SMARCA2: variants seen among roughly 807,000 people sequenced by gnomAD.
SMARCA2 encodes SWI/SNF related BAF chromatin remodeling complex subunit ATPase 2.
A neutral mutation model predicts 199.8 loss-of-function variants in SMARCA2; 61 were observed. That is an observed-to-expected ratio of 0.31 (90% CI 0.25 to 0.38). The LOEUF (loss-of-function observed/expected upper bound fraction) is 0.38, where lower values mean the gene tolerates loss of function less well. Ranked by LOEUF, SMARCA2 falls within the 10% of genes least tolerant of loss-of-function variation. The pLI, the probability that SMARCA2 is intolerant of heterozygous loss-of-function variation, is 1.00. For missense variants in SMARCA2, 1,344 were observed against 2,012.2 expected (o/e 0.67, Z 6.35); for synonymous variants, 935 against 732.0 (o/e 1.28, Z -4.48).
At chr9:2,184,904 T>TA (rs746711105) in intron 31 of SMARCA2, among the ~76,000 whole-genome samples, 1 of 152,160 alleles carries the variant, frequency 6.6e-6, no homozygotes, top group Non-Finnish European at 1.5e-5. Context: ...TCACTGCCTA[T>TA]ATTGTTCATT....
At position 2,144,072 on chromosome 9, in the gene SMARCA2, G is replaced by C. The variant is rs566471598; in HGVS notation, c.3982-17614G>C. On this transcript the variant is annotated intron_variant, in intron 27 of 33. Coordinates refer to ENST00000349721, the MANE Select transcript of SMARCA2 (RefSeq NM_003070.5). ...CTTTTCATAGGGGAGCCGGGAGATG[G>C]GGGGGGATGTAGGCATTTCTTTTGA... is the stretch of plus-strand genomic sequence containing the variant. Among the ~76,000 whole-genome samples, 15 of 149,722 alleles carry C rather than the reference G, an allele frequency of 1.0e-4. No individual in the cohort carries two copies. The East Asian group carries it at 2.1e-3, about 21-fold the overall frequency.
chr9:2,125,087 TA>T (rs1823629770), intron 27 of SMARCA2, among the ~76,000 whole-genome samples: 1 of 152,158 alleles, frequency 6.6e-6, no homozygotes, highest in Non-Finnish European at 1.5e-5. Context: ...ATTTTGAGAT[TA>T]GATACCAAAG....
intron 29 of SMARCA2, among the ~76,000 whole-genome samples, chr9:2,180,424 A>G (rs1563834393): frequency 6.6e-6 from 1 of 152,162 alleles, no homozygotes; most frequent in Non-Finnish European, 1.5e-5. Context: ...TTACTTTTTA[A>G]TTATACAACT....
intron 27 of SMARCA2, among the ~76,000 whole-genome samples, chr9:2,126,002 C>T (rs1823676290): frequency 6.6e-6 from 1 of 152,072 alleles, no homozygotes. Flanking sequence ...AGTTTCTATC[C>T]CTGATGAGTA....
chr9:2,152,278 G>C (rs532998727), intron 27 of SMARCA2, among the ~76,000 whole-genome samples: 1 of 152,316 alleles, frequency 6.6e-6, no homozygotes, highest in African/African-American at 2.4e-5. Flanking sequence ...AAGGCTGGGT[G>C]CCATGGCTCA....
rs956396603 is a variant in SMARCA2 at position 2,101,526 on chromosome 9, A to G, written c.3079-44A>G. 4.8e-6 allele frequency: 5 copies of G among 1,047,732 alleles called. No individual in the cohort carries two copies. The Admixed American group carries it at 8.9e-5, about 19-fold the overall frequency. The allele number at this position is 1,047,732 out of a possible 1,614,324, so 64.9% of individuals were successfully genotyped here. The stretch of plus-strand genomic sequence containing the variant: ...TAAAAGAGTAATCATTAAGTTAATA[A>G]TTACATTTTTTAAAATCATTCTTTC... On this transcript the variant is annotated intron_variant, in intron 21 of 33. Coordinates refer to ENST00000349721, the MANE Select transcript of SMARCA2 (RefSeq NM_003070.5).
intron 24 of SMARCA2, among the ~76,000 whole-genome samples, chr9:2,113,943 G>A (rs747911227): frequency 6.6e-6 from 1 of 152,162 alleles, no homozygotes; most frequent in East Asian, 1.9e-4. Context: ...GAAAATGGTG[G>A]GGAAAAAGAG....
chr9:2,116,248 G>A (rs948733692), intron 25 of SMARCA2, among the ~76,000 whole-genome samples, 199 bp downstream of exon 25: 12 of 152,212 alleles, frequency 7.9e-5, no homozygotes, highest in African/African-American at 2.9e-4. Flanking sequence ...ATGGCTGGAG[G>A]AACCTCAAGG....
intron 31 of SMARCA2, among the ~76,000 whole-genome samples, chr9:2,185,258 A>G (rs1032777718): frequency 1.3e-5 from 2 of 152,208 alleles, no homozygotes; most frequent in Non-Finnish European, 2.9e-5. Context: ...GATACTTCGT[A>G]TGAGTAGAAT....
chr9:2,033,113 C>G, intron 3 of SMARCA2, 32 bp downstream of exon 3: 1 of 1,606,608 alleles, frequency 6.2e-7, no homozygotes, highest in Non-Finnish European at 8.5e-7. Context: ...GATACTGGTT[C>G]CCCAGCATAG....
At chr9:2,065,127 G>A (rs1820776640) in intron 9 of SMARCA2, among the ~76,000 whole-genome samples, 3 of 152,134 alleles carry the variant, frequency 2.0e-5, no homozygotes, top group African/African-American at 4.8e-5. Flanking sequence ...AGAGGTTGCA[G>A]TGAGCCGAGA....
chr9:2,130,016 G>A (rs1452103232), intron 27 of SMARCA2, among the ~76,000 whole-genome samples: 3 of 152,028 alleles, frequency 2.0e-5, no homozygotes, highest in African/African-American at 7.2e-5. Flanking sequence ...ACCATGCCCG[G>A]CTAATTATTG....
At chr9:2,048,931 A>G (rs1195769538) in intron 5 of SMARCA2, among the ~76,000 whole-genome samples, 1 of 152,236 alleles carries the variant, frequency 6.6e-6, no homozygotes, top group Non-Finnish European at 1.5e-5. Flanking sequence ...AGTTTTTAAA[A>G]AGCTAAAAGT....
In SMARCA2 at chr9:2,168,027, CT is replaced by C. The variant is rs1010740204; in HGVS notation, c.4200-2387del. Among the ~76,000 whole-genome samples, 102 of 139,546 alleles carry C rather than the reference CT, an allele frequency of 7.3e-4. No individual in the cohort carries two copies. In the Middle Eastern group the frequency reaches 0.014, roughly 20 times the overall value. The allele number at this position is 139,546 out of a possible 152,430, so 91.5% of individuals were successfully genotyped here. A position where few individuals can be genotyped will look rare whatever the true frequency, so the allele number is the denominator to read the frequency against. On this transcript the variant is annotated intron_variant, in intron 28 of 33. Coordinates refer to ENST00000349721, the MANE Select transcript of SMARCA2 (RefSeq NM_003070.5). ...TTACCTGGGGAAATGAGCTTTTTTT[CT>C]TTTTCTTTTTTTTTTTTTTTTGAGA... is the stretch of plus-strand genomic sequence containing the variant.
chr9:2,120,667 C>T (rs1451896674), intron 26 of SMARCA2, among the ~76,000 whole-genome samples: 3 of 152,044 alleles, frequency 2.0e-5, no homozygotes, highest in Non-Finnish European at 4.4e-5. Flanking sequence ...TTTCTGGGAA[C>T]ATTGATTGTA....
chr9:2,185,766 A>G (rs1476084101), intron 31 of SMARCA2, among the ~76,000 whole-genome samples: 2 of 152,230 alleles, frequency 1.3e-5, no homozygotes, highest in African/African-American at 2.4e-5. Flanking sequence ...CAGTCTTACT[A>G]CAGCATTTGG....
At chr9:2,099,724 C>T (rs540787337) in intron 21 of SMARCA2, among the ~76,000 whole-genome samples, 55 of 152,254 alleles carry the variant, frequency 3.6e-4, no homozygotes, top group African/African-American at 1.2e-3. Context: ...TGTTGTGTTT[C>T]GTTTGCCACA....
intron 28 of SMARCA2, among the ~76,000 whole-genome samples, chr9:2,167,804 C>T (rs7047498): frequency 0.71 from 108,468 of 151,902 alleles, 39,642 homozygotes; most frequent in African/African-American, 0.88. Flanking sequence ...TTGAATATAA[C>T]TATAGGGTAA....
At chr9:2,159,041 T>G in intron 27 of SMARCA2, 1 of 1,578,480 alleles carries the variant, frequency 6.3e-7, no homozygotes, top group Non-Finnish European at 8.6e-7. Flanking sequence ...TCTGCACGTA[T>G]TAGCAGTTGT....
Sources: allele counts gnomAD v4.1 joint callset (sites outside exome capture counted in the v4.1 genomes callset), GRCh38; gene constraint gnomAD v4.1.1; transcripts MANE v1.5; gene names NCBI Gene and HGNC (gene_info 2026-07-23, HGNC 2026-07-21).